Variants in GALNT9 observed in about 807,000 individuals in gnomAD.
The protein encoded by GALNT9 is GalNAc transferase 9.
GALNT9 carries 47 observed loss-of-function variants against 63.1 expected under a neutral mutation model. The ratio of observed to expected loss-of-function variants is 0.75; its 90% CI spans 0.59 to 0.95. The LOEUF (loss-of-function observed/expected upper bound fraction) is 0.95. Among genes scored for constraint, GALNT9 ranks in the 40% least tolerant of loss-of-function variants. The pLI, the probability that GALNT9 is intolerant of heterozygous loss-of-function variation, is 0.00. For missense variants in GALNT9, 829 were observed against 874.8 expected, an observed-to-expected ratio of 0.95 and a Z score of 0.66; for synonymous variants, 396 against 365.7, an observed-to-expected ratio of 1.08 and a Z score of -0.94.
chr12:132,298,343 G>A (rs1246422275), intron 1 of GALNT9, among the ~76,000 whole-genome samples: 2 of 144,678 alleles, frequency 1.4e-5, no homozygotes, highest in African/African-American at 2.6e-5. Context: ...AACAAGCCAC[G>A]GCTGAGATAA....
intron 6 of GALNT9, among the ~76,000 whole-genome samples, chr12:132,243,608 C>T (rs2136905776): frequency 1.3e-5 from 2 of 152,166 alleles, no homozygotes; most frequent in South Asian, 2.1e-4. Context: ...CTATTTCTCC[C>T]GCCTCTGTCA....
chr12:132,198,533 C>CA (rs1249453977), intron 9 of GALNT9, among the ~76,000 whole-genome samples: 4 of 150,610 alleles, frequency 2.7e-5, no homozygotes, highest in Non-Finnish European at 4.4e-5. Context: ...ATCCACCCCC[C>CA]GAGCCAATGC....
chr12:132,210,381 G>T (rs547247676), intron 6 of GALNT9, among the ~76,000 whole-genome samples: 2 of 152,244 alleles, frequency 1.3e-5, no homozygotes, highest in Non-Finnish European at 2.9e-5. Context: ...AACAGGGCTC[G>T]TAGGGTTCTC....
At position 132,236,267 on chromosome 12, in the gene GALNT9, G is replaced by A. The variant is rs2136894536; in HGVS notation, c.1077+11643C>T. On this transcript the variant is annotated intron_variant, in intron 6 of 10. Coordinates refer to ENST00000328957, the MANE Select transcript of GALNT9 (RefSeq NM_001122636.2). The surrounding 1 kb of genome is among the most constrained non-coding windows in gnomAD (Gnocchi z 5.6). ...CAATGACAGCCCCGACAGGCGGCTG[G>A]CGGGGAGCGGGTGGGGGCCATGGCC... 6.6e-6 allele frequency among the ~76,000 whole-genome samples: 1 copy of A among 152,122 alleles called. No individual in the cohort carries two copies. Among genetic ancestry groups the A allele is most frequent in the South Asian group, 2.1e-4 (1 of 4,822 alleles).
intron 6 of GALNT9, among the ~76,000 whole-genome samples, chr12:132,220,120 G>A (rs11247022): frequency 0.59 from 90,278 of 152,138 alleles, 26,962 homozygotes; most frequent in East Asian, 0.77. Flanking sequence ...GCAGCTGGAC[G>A]TGGTGGCTCA....
intron 6 of GALNT9, among the ~76,000 whole-genome samples, chr12:132,215,575 G>A (rs1227420177): frequency 3.9e-5 from 6 of 152,256 alleles, no homozygotes; most frequent in Non-Finnish European, 8.8e-5. Context: ...CAAGGCTAGC[G>A]TGGCCCAGGG....
intron 1 of GALNT9, among the ~76,000 whole-genome samples, chr12:132,288,598 T>C (rs1555242416): frequency 6.6e-6 from 1 of 152,254 alleles, no homozygotes; most frequent in East Asian, 1.9e-4. Flanking sequence ...TAGCTGAGCG[T>C]GGTTCCAGAT....
In GALNT9 at chr12:132,196,781, G is replaced by C; in HGVS notation, c.*326C>G. 1 of 1,100,772 alleles carries C rather than the reference G, an allele frequency of 9.1e-7. No individual in the cohort carries two copies. The highest frequency in any genetic ancestry group is 1.1e-6 in the Non-Finnish European group (1 of 901,156). The allele number at this position is 1,100,772 out of a possible 1,614,324, so 68.2% of individuals were successfully genotyped here. ...GGGGCTTGGCCTCCCTATGGGGCGT[G>C]GGGGGCTGTGGTACATGCAGAGGCG... On this transcript the variant is annotated 3_prime_UTR_variant, in exon 11 of 11. Transcript: ENST00000328957.
At chr12:132,199,536 G>C (rs754161487) in intron 8 of GALNT9, among the ~76,000 whole-genome samples, 17 of 152,158 alleles carry the variant, frequency 1.1e-4, no homozygotes, top group Non-Finnish European at 2.2e-4. Flanking sequence ...AGGGACGACG[G>C]CCCCAGGCTG....
intron 6 of GALNT9, among the ~76,000 whole-genome samples, chr12:132,207,909 C>T (rs1367497017): frequency 6.6e-6 from 1 of 152,146 alleles, no homozygotes; most frequent in Non-Finnish European, 1.5e-5. Context: ...AAGACAGCCC[C>T]CACCCCCCAC....
At chr12:132,243,988 G>T (rs1878590261) in intron 6 of GALNT9, among the ~76,000 whole-genome samples, 1 of 151,960 alleles carries the variant, frequency 6.6e-6, no homozygotes. Flanking sequence ...ATGAAGGGAA[G>T]CTTTAGGGAT....
intron 1 of GALNT9, among the ~76,000 whole-genome samples, chr12:132,318,265 C>T (rs1868613727): frequency 6.6e-6 from 1 of 152,222 alleles, no homozygotes; most frequent in African/African-American, 2.4e-5. Context: ...GCCAGGCAAG[C>T]GTGGGCGGCA....
At chr12:132,244,829 G>C (rs1371582457) in intron 6 of GALNT9, among the ~76,000 whole-genome samples, 1 of 150,676 alleles carries the variant, frequency 6.6e-6, no homozygotes, top group Non-Finnish European at 1.5e-5. Context: ...GAGTTGGACG[G>C]GGGCGTGGTG....
chr12:132,251,562 G>A (rs1272966470), intron 5 of GALNT9, among the ~76,000 whole-genome samples: 3 of 152,232 alleles, frequency 2.0e-5, no homozygotes, highest in East Asian at 1.9e-4. Flanking sequence ...GGCCCACACC[G>A]CCCTCCCAGG....
Position 132,197,853 on chromosome 12 carries a change from G to A in GALNT9, c.1604C>T (p.Pro535Leu). Residue 535 changes from proline to leucine, a missense_variant, in exon 10 of 11, where the codon CCC (proline) becomes CTC (leucine). Coordinates refer to ENST00000328957, the MANE Select transcript of GALNT9 (RefSeq NM_001122636.2). ...CACATCCTCACACTTCTTCAGGGTG[G>A]GCATGCGGCCCGTGCCGTCATCCAC... ...CLVDDGTGRM[P>L]TLKKCEDVAR... The A allele has an allele frequency of 6.2e-7, 1 of 1,607,778 alleles. No individual in the cohort carries two copies. Among genetic ancestry groups the A allele is most frequent in the Non-Finnish European group, 8.5e-7 (1 of 1,178,092 alleles).
At chr12:132,204,315 G>A (rs561922942) in intron 6 of GALNT9, among the ~76,000 whole-genome samples, 3 of 152,216 alleles carry the variant, frequency 2.0e-5, no homozygotes, top group East Asian at 3.9e-4. Flanking sequence ...CTTTCACTCC[G>A]GTTTGTCCCC....
chr12:132,284,359 C>T (rs1349601851), intron 2 of GALNT9: 1 of 152,276 alleles, frequency 6.6e-6, no homozygotes, highest in Non-Finnish European at 1.5e-5. Flanking sequence ...CTGGCTAACA[C>T]ACACGAGCCG....
At chr12:132,291,016 C>T (rs1453048880) in intron 1 of GALNT9, among the ~76,000 whole-genome samples, 2 of 58,078 alleles carry the variant, frequency 3.4e-5, no homozygotes, top group African/African-American at 5.7e-5. Context: ...CACGTCCACA[C>T]CACCCACATC....
In GALNT9 at chr12:132,286,027, C is replaced by T. The variant is rs528382618; in HGVS notation, c.419+223G>A. On this transcript the variant is annotated intron_variant, in intron 2 of 10. Transcript: ENST00000328957. This position sits in a 1 kb window ranked among gnomAD's most constrained non-coding sequence, Gnocchi z 7.4. ...GCGTTTCTCCCAGGAGCCCGCAGCT[C>T]GTGGGGGCAGTCCCCGGCCAGCACG... 6.6e-6 allele frequency among the ~76,000 whole-genome samples: 1 copy of T among 152,184 alleles called. No homozygotes were observed. The highest frequency in any genetic ancestry group is 1.9e-4 in the East Asian group (1 of 5,152).
Sources: allele counts gnomAD v4.1 joint callset (sites outside exome capture counted in the v4.1 genomes callset), GRCh38; gene constraint gnomAD v4.1.1; non-coding constraint Gnocchi (gnomAD v3.1); transcripts MANE v1.5; gene names NCBI Gene and HGNC (gene_info 2026-07-23, HGNC 2026-07-21).